ATCAY: variants seen among roughly 807,000 people sequenced by gnomAD.
ATCAY encodes the protein caytaxin.
In ATCAY, 22 loss-of-function variants were observed where a neutral mutation model predicts 47.7. The observed-to-expected ratio is 0.46, with a 90% confidence interval of 0.33 to 0.66. The LOEUF (loss-of-function observed/expected upper bound fraction) is 0.66, where lower values mean the gene tolerates loss of function less well. Among genes scored for constraint, ATCAY ranks in the 30% least tolerant of loss-of-function variants. The pLI is 0.02. For synonymous variants in ATCAY, 216 were observed against 207.6 expected (o/e 1.04, Z -0.35); for missense variants, 452 against 515.0 (o/e 0.88, Z 1.18).
chr19:3,905,875 TAA>T (rs1568448543), intron 4 of ATCAY, among the ~76,000 whole-genome samples: 1 of 150,368 alleles, frequency 6.7e-6, no homozygotes, highest in Non-Finnish European at 1.5e-5. Flanking sequence ...ATAAAATTTT[TAA>T]AAAAGAGAGA....
intron 3 of ATCAY, among the ~76,000 whole-genome samples, chr19:3,904,384 G>C (rs1228283789): frequency 1.3e-5 from 2 of 152,156 alleles, no homozygotes; most frequent in Admixed American, 1.3e-4. Flanking sequence ...AAAGCAGGCA[G>C]CCATCTGTGA....
At chr19:3,921,034 T>C (rs1437943271) in intron 12 of ATCAY, among the ~76,000 whole-genome samples, 1 of 151,886 alleles carries the variant, frequency 6.6e-6, no homozygotes, top group African/African-American at 2.4e-5. Context: ...CTTGCACAAC[T>C]CCAGGGGGGC....
chr19:3,885,968 CG>C (rs1403209904), intron 2 of ATCAY, 124 bp downstream of exon 2: 1 of 893,840 alleles, frequency 1.1e-6, no homozygotes, highest in African/African-American at 1.7e-5. Context: ...GTTCCATCTC[CG>C]CGTCCTCCTC....
intron 4 of ATCAY, 75 bp downstream of exon 4, chr19:3,905,730 T>C (rs1489948573): frequency 8.1e-5 from 110 of 1,362,562 alleles, no homozygotes; most frequent in Non-Finnish European, 1.1e-4. Flanking sequence ...TGGATTCCCA[T>C]AGGCTCAGAG....
intron 2 of ATCAY, among the ~76,000 whole-genome samples, chr19:3,894,368 C>T (rs1396935407): frequency 6.6e-6 from 1 of 151,484 alleles, no homozygotes; most frequent in Admixed American, 6.6e-5. Context: ...CCTGTAGTCC[C>T]AGCTACTCGG....
At chr19:3,915,539 T>A (rs552761961) in intron 9 of ATCAY, among the ~76,000 whole-genome samples, 1 of 146,804 alleles carries the variant, frequency 6.8e-6, no homozygotes, top group Non-Finnish European at 1.5e-5. Flanking sequence ...ATCACCACCA[T>A]CCTCTCCAGA....
chr19:3,905,374 T>TG, intron 3 of ATCAY, 60 bp from the exon 4 acceptor site: 1 of 1,472,262 alleles, frequency 6.8e-7, no homozygotes, highest in Non-Finnish European at 9.1e-7. Context: ...GGTAGGAAAA[T>TG]GGGGGGAAGG....
At chr19:3,923,716 T>C (rs111163814) in intron 12 of ATCAY, among the ~76,000 whole-genome samples, 13,027 of 148,638 alleles carry the variant, frequency 0.088, 776 homozygotes, top group East Asian at 0.27. Context: ...GGATGAATGG[T>C]TGGGTAGATG....
chr19:3,895,547 G>A (rs192402037), intron 2 of ATCAY, among the ~76,000 whole-genome samples: 3 of 152,066 alleles, frequency 2.0e-5, no homozygotes, highest in Admixed American at 2.0e-4. Flanking sequence ...CAGAGGCTCA[G>A]GGAGGAGAAG....
chr19:3,919,014 A>C, intron 11 of ATCAY, 137 bp downstream of exon 11: 2 of 1,056,730 alleles, frequency 1.9e-6, no homozygotes, highest in South Asian at 1.4e-5. Flanking sequence ...ATGGTGGCTC[A>C]CGCCTGTAAT....
intron 1 of ATCAY, among the ~76,000 whole-genome samples, chr19:3,883,115 C>T (rs567229400): frequency 2.0e-5 from 3 of 152,154 alleles, no homozygotes; most frequent in African/African-American, 7.2e-5. Flanking sequence ...GGCAGGGTGG[C>T]TCACACCTGT....
Position 3,919,227 on chromosome 19 carries a change from G to T in ATCAY, c.1073+350G>T, listed in dbSNP as rs992736614. On this transcript the variant is annotated intron_variant, in intron 11 of 12. Coordinates refer to ENST00000450849, the MANE Select transcript of ATCAY (RefSeq NM_033064.5). ...CAGGGGGCAGAGGTTGCAGTGAGCC[G>T]AGATAGTACCACTGCACTCGGCGAC... Among the ~76,000 whole-genome samples the T allele has an allele frequency of 2.0e-5, 3 of 151,862 alleles. No individual in the cohort carries two copies. The Admixed American group carries it at 2.0e-4, about 10-fold the overall frequency.
intron 2 of ATCAY, among the ~76,000 whole-genome samples, chr19:3,901,520 G>A (rs2038816246): frequency 6.6e-6 from 1 of 152,022 alleles, no homozygotes; most frequent in Non-Finnish European, 1.5e-5. Flanking sequence ...ATCCCACAGG[G>A]TCGCCCTAGA....
At chr19:3,923,016 A>T (rs2039033747) in intron 12 of ATCAY, among the ~76,000 whole-genome samples, 1 of 152,176 alleles carries the variant, frequency 6.6e-6, no homozygotes, top group South Asian at 2.1e-4. Context: ...AAGTGCTGAG[A>T]TTACAGGCGT....
At chr19:3,915,301 T>C (rs1273134741) in intron 9 of ATCAY, among the ~76,000 whole-genome samples, 2 of 150,592 alleles carry the variant, frequency 1.3e-5, no homozygotes, top group Non-Finnish European at 2.9e-5. Context: ...GCCTCCCAAC[T>C]AGCTGGGATT....
At chr19:3,890,414 C>T (rs922052826) in intron 2 of ATCAY, among the ~76,000 whole-genome samples, 1 of 151,048 alleles carries the variant, frequency 6.6e-6, no homozygotes. Flanking sequence ...AGGCACACAC[C>T]ACCACACCCA....
At chr19:3,911,976 T>C (rs1241205076) in intron 8 of ATCAY, among the ~76,000 whole-genome samples, 1 of 152,198 alleles carries the variant, frequency 6.6e-6, no homozygotes, top group African/African-American at 2.4e-5. Flanking sequence ...TGGATCATTT[T>C]AGCTAATAAT....
chr19:3,915,541 C>G (rs1365866046), intron 9 of ATCAY, among the ~76,000 whole-genome samples: 7 of 147,944 alleles, frequency 4.7e-5, no homozygotes. Flanking sequence ...CACCACCATC[C>G]TCTCCAGACC....
chr19:3,904,594 CCT>C (rs747902650), intron 3 of ATCAY, among the ~76,000 whole-genome samples: 28 of 151,966 alleles, frequency 1.8e-4, no homozygotes, highest in African/African-American at 6.3e-4. Context: ...TAAATTTCTC[CCT>C]CTCTCTTTTT....
Sources: allele counts gnomAD v4.1 joint callset (sites outside exome capture counted in the v4.1 genomes callset), GRCh38; gene constraint gnomAD v4.1.1; transcripts MANE v1.5; gene names NCBI Gene and HGNC (gene_info 2026-07-23, HGNC 2026-07-21).